PCED1B: variants seen among roughly 807,000 people sequenced by gnomAD.
PCED1B encodes the protein PC-esterase domain containing 1B.
For missense variants in PCED1B, 573 were observed against 573.9 expected, an observed-to-expected ratio of 1.00 and a Z score of 0.02; for synonymous variants, 251 against 246.1, an observed-to-expected ratio of 1.02 and a Z score of -0.19.
chr12:47,088,073 G>T, intron 1 of PCED1B, among the ~76,000 whole-genome samples: 1 of 152,276 alleles, frequency 6.6e-6, no homozygotes, highest in East Asian at 1.9e-4. Flanking sequence ...AGATGGAAAC[G>T]CAGTACTAAT....
chr12:47,201,787 T>TG lies in PCED1B; in HGVS notation c.-525-14430dup, dbSNP rs961374245. 3.9e-5 allele frequency among the ~76,000 whole-genome samples: 6 copies of TG among 151,952 alleles called. No homozygotes were observed. The East Asian group carries it at 5.8e-4, about 15-fold the overall frequency. ...CTAATTTTTTGTATTTTTGTAGAGATGGGGGTCTCACCATGTTGCCCAGGC... is the reference window on the plus strand; with the variant it reads ...CTAATTTTTTGTATTTTTGTAGAGATGGGGGGTCTCACCATGTTGCCCAGGC... On this transcript the variant is annotated intron_variant, in intron 2 of 3. Coordinates refer to ENST00000546455, the MANE Select transcript of PCED1B (RefSeq NM_138371.3).
chr12:47,140,511 A>G (rs188158517), intron 2 of PCED1B, among the ~76,000 whole-genome samples: 42 of 152,286 alleles, frequency 2.8e-4, no homozygotes, highest in African/African-American at 9.6e-4. Flanking sequence ...TGTTTTATTA[A>G]TTAATGTTTG....
intron 1 of PCED1B, among the ~76,000 whole-genome samples, chr12:47,085,198 G>A (rs188899299): frequency 1.3e-5 from 2 of 152,312 alleles, no homozygotes; most frequent in African/African-American, 2.4e-5. Flanking sequence ...AGAGTTAATT[G>A]AGGATGTAAC....
chr12:47,117,607 T>A (rs1939483404), intron 2 of PCED1B, among the ~76,000 whole-genome samples: 1 of 152,166 alleles, frequency 6.6e-6, no homozygotes, highest in Non-Finnish European at 1.5e-5. Flanking sequence ...TTGTTGGACA[T>A]TTGGGTTGGT....
chr12:47,095,071 AT>A (rs34778482), intron 1 of PCED1B, among the ~76,000 whole-genome samples: 58,140 of 113,730 alleles, frequency 0.51, 13,777 homozygotes, highest in Middle Eastern at 0.6. Flanking sequence ...TGTGCCCACA[AT>A]TTTTTTTTTT....
intron 2 of PCED1B, among the ~76,000 whole-genome samples, chr12:47,138,785 A>G (rs1185102566): frequency 3.3e-5 from 5 of 152,226 alleles, no homozygotes; most frequent in Admixed American, 2.0e-4. Flanking sequence ...TTTCAAGTCC[A>G]AATGACCCCC....
At chr12:47,153,220 G>T (rs1425127082) in intron 2 of PCED1B, among the ~76,000 whole-genome samples, 1 of 149,960 alleles carries the variant, frequency 6.7e-6, no homozygotes, top group Non-Finnish European at 1.5e-5. Flanking sequence ...TGTGGTGGCG[G>T]GCGCCTGTAG....
chr12:47,147,473 T>C (rs780344057), intron 2 of PCED1B, among the ~76,000 whole-genome samples: 1 of 152,202 alleles, frequency 6.6e-6, no homozygotes, highest in Non-Finnish European at 1.5e-5. Context: ...GCTTTTACCA[T>C]CCATATTTCC....
chr12:47,136,844 A>G (rs148493770), intron 2 of PCED1B, among the ~76,000 whole-genome samples: 2 of 152,334 alleles, frequency 1.3e-5, no homozygotes, highest in Non-Finnish European at 2.9e-5. Flanking sequence ...TCATAGTTCA[A>G]GAGAAGCATG....
At chr12:47,108,642 T>C (rs1443090587) in intron 2 of PCED1B, among the ~76,000 whole-genome samples, 5 of 152,230 alleles carry the variant, frequency 3.3e-5, no homozygotes, top group African/African-American at 1.2e-4. Context: ...TAGGCTTTCA[T>C]TACTTGAGTT....
intron 2 of PCED1B, chr12:47,205,839 C>G (rs1162154368): frequency 1.3e-5 from 2 of 152,118 alleles, no homozygotes; most frequent in Non-Finnish European, 2.9e-5. Flanking sequence ...TAGACAGAGC[C>G]AATTCACCAA....
chr12:47,220,082 A>G lies in PCED1B; in HGVS notation c.-58+3393A>G, dbSNP rs1382187851. 1.8e-3 allele frequency among the ~76,000 whole-genome samples: 193 copies of G among 104,528 alleles called. 1 individual carries two copies. The highest frequency in any genetic ancestry group is 5.9e-3 in the African/African-American group (187 of 31,520). The allele number at this position is 104,528 out of a possible 152,430, so 68.6% of individuals were successfully genotyped here. A position where few individuals can be genotyped will look rare whatever the true frequency, so the allele number is the denominator to read the frequency against. ...AGACACTGCCTCAAAAAAAAAAAAA[A>G]AAAAAAAAGAAGAAGAAGAAGAAGA... is the stretch of plus-strand genomic sequence containing the variant. On this transcript the variant is annotated intron_variant, in intron 3 of 3. Transcript: ENST00000546455.
At chr12:47,109,986 G>A (rs1939121793) in intron 2 of PCED1B, among the ~76,000 whole-genome samples, 1 of 152,150 alleles carries the variant, frequency 6.6e-6, no homozygotes, top group Non-Finnish European at 1.5e-5. Flanking sequence ...ACTCTTTAGT[G>A]ATTTTTAAGT....
chr12:47,118,104 T>C lies in PCED1B; in HGVS notation c.-526+13909T>C, dbSNP rs182969452. On this transcript the variant is annotated intron_variant, in intron 2 of 3. Transcript: ENST00000546455. ...TTTGTACATTCTGGATATTAGCCAT[T>C]TGTAGATTGCAAAAATTTTCTCCCA... Among the ~76,000 whole-genome samples, 33 of 151,644 alleles carry C rather than the reference T, an allele frequency of 2.2e-4. No homozygotes were observed. The East Asian group carries it at 6.2e-3, about 28-fold the overall frequency.
chr12:47,144,525 T>C (rs1382641307), intron 2 of PCED1B, among the ~76,000 whole-genome samples: 1 of 152,186 alleles, frequency 6.6e-6, no homozygotes, highest in Non-Finnish European at 1.5e-5. Flanking sequence ...TCCATTCTGC[T>C]TCTCCTTTAT....
intron 1 of PCED1B, among the ~76,000 whole-genome samples, chr12:47,097,329 A>C (rs552375329): frequency 6.6e-6 from 1 of 152,216 alleles, no homozygotes; most frequent in Non-Finnish European, 1.5e-5. Context: ...TTTTTCTTAC[A>C]GCTCTTTATC....
At chr12:47,168,556 G>A (rs556385951) in intron 2 of PCED1B, among the ~76,000 whole-genome samples, 2 of 151,708 alleles carry the variant, frequency 1.3e-5, no homozygotes, top group South Asian at 4.2e-4. Context: ...TTTCCACTTG[G>A]TTTTGTTTTC....
At chr12:47,138,275 G>A (rs1940464698) in intron 2 of PCED1B, 1 of 152,188 alleles carries the variant, frequency 6.6e-6, no homozygotes, top group South Asian at 2.1e-4. Flanking sequence ...GGAAGACAAA[G>A]GGAGTTTCTG....
intron 2 of PCED1B, among the ~76,000 whole-genome samples, chr12:47,139,618 G>A (rs1281904977): frequency 6.6e-6 from 1 of 152,156 alleles, no homozygotes; most frequent in Non-Finnish European, 1.5e-5. Flanking sequence ...GGATGTATGT[G>A]TATGTGTGCT....
Sources: gnomAD v4.1 joint callset for allele counts (sites outside exome capture counted in the v4.1 genomes callset) on GRCh38, gnomAD v4.1.1 for gene constraint, MANE v1.5 for transcripts, NCBI Gene and HGNC (gene_info 2026-07-23, HGNC 2026-07-21) for gene names.